The following NRG3 variants were observed in gnomAD, a reference collection of about 807,000 sequenced individuals.
The protein encoded by NRG3 is neuregulin 3, also known as pro-neuregulin-3, membrane-bound isoform.
In NRG3, 31 loss-of-function variants were observed where a neutral mutation model predicts 66.9. The ratio of observed to expected loss-of-function variants is 0.46; its 90% confidence interval spans 0.35 to 0.63. The LOEUF (loss-of-function observed/expected upper bound fraction) is 0.63. Ranked by LOEUF, NRG3 falls within the 20% of genes least tolerant of loss-of-function variation. The pLI, the probability that NRG3 is intolerant of heterozygous loss-of-function variation, is 0.00. For missense variants in NRG3, 910 were observed against 878.9 expected (o/e 1.04, Z -0.45); for synonymous variants, 393 against 359.4 (o/e 1.09, Z -1.06).
intron 4 of NRG3, among the ~76,000 whole-genome samples, chr10:82,903,278 C>T (rs888963685): frequency 2.0e-5 from 3 of 152,178 alleles, no homozygotes; most frequent in East Asian, 3.9e-4. Flanking sequence ...GCTTAAAATA[C>T]GTGTGATACT....
At chr10:82,956,698 C>G (rs1440289318) in intron 5 of NRG3, among the ~76,000 whole-genome samples, 1 of 151,906 alleles carries the variant, frequency 6.6e-6, no homozygotes, top group African/African-American at 2.4e-5. Context: ...TGCTCTGAGA[C>G]ATGCACTCTT....
At chr10:82,014,056 C>T (rs1589783716) in intron 1 of NRG3, among the ~76,000 whole-genome samples, 1 of 152,088 alleles carries the variant, frequency 6.6e-6, no homozygotes, top group South Asian at 2.1e-4. Flanking sequence ...GGAACTCACA[C>T]CTAGCTGGAA....
At chr10:82,389,655 AATG>A (rs1162167396) in intron 2 of NRG3, among the ~76,000 whole-genome samples, 3 of 152,216 alleles carry the variant, frequency 2.0e-5, no homozygotes, top group East Asian at 1.9e-4. Flanking sequence ...GAATTAATAA[AATG>A]AAGACACATT....
intron 4 of NRG3, among the ~76,000 whole-genome samples, chr10:82,945,645 C>G (rs988447423): frequency 4.0e-5 from 6 of 151,108 alleles, no homozygotes; most frequent in Non-Finnish European, 8.9e-5. Flanking sequence ...AACTAACCCC[C>G]TCCTGTGATA....
chr10:82,225,097 G>A (rs933210556), intron 1 of NRG3, among the ~76,000 whole-genome samples: 21 of 151,710 alleles, frequency 1.4e-4, no homozygotes, highest in Admixed American at 1.2e-3. Flanking sequence ...TGTTTACTAG[G>A]AAGAAAAAAA....
At chr10:82,793,520 C>A (rs1391965941) in intron 3 of NRG3, among the ~76,000 whole-genome samples, 2 of 152,100 alleles carry the variant, frequency 1.3e-5, no homozygotes, top group African/African-American at 4.8e-5. Flanking sequence ...TCTCTCTACC[C>A]CCTTATTTAT....
chr10:82,098,271 C>CAT (rs147930657), intron 1 of NRG3, among the ~76,000 whole-genome samples: 3 of 150,420 alleles, frequency 2.0e-5, no homozygotes, highest in African/African-American at 4.9e-5. Context: ...ATATAGATGT[C>CAT]ATATATATAT....
chr10:82,798,707 T>C (rs984594701), intron 3 of NRG3, among the ~76,000 whole-genome samples: 1 of 152,204 alleles, frequency 6.6e-6, no homozygotes, highest in Non-Finnish European at 1.5e-5. Flanking sequence ...ACTAGAAGCA[T>C]AGTAATGAAG....
chr10:82,799,941 G>C (rs997033221), intron 3 of NRG3: 1 of 151,912 alleles, frequency 6.6e-6, no homozygotes. Context: ...CTTGGTCCTG[G>C]CTCCATGGAG....
intron 6 of NRG3, among the ~76,000 whole-genome samples, chr10:82,972,991 G>A (rs530343697): frequency 1.3e-5 from 2 of 152,234 alleles, no homozygotes; most frequent in East Asian, 1.9e-4. Flanking sequence ...ATTTTGATTA[G>A]CATCCTTAAA....
At chr10:81,958,143 A>G (rs190851490) in intron 1 of NRG3, among the ~76,000 whole-genome samples, 3 of 152,306 alleles carry the variant, frequency 2.0e-5, no homozygotes, top group Admixed American at 6.5e-5. Flanking sequence ...TCTCTAAATG[A>G]TATGATAGAA....
chr10:82,109,633 G>T (rs949304040), intron 1 of NRG3, among the ~76,000 whole-genome samples: 1 of 150,790 alleles, frequency 6.6e-6, no homozygotes, highest in African/African-American at 2.4e-5. Context: ...AAAGCACCAG[G>T]TTACACTGAG....
At chr10:81,970,324 A>G (rs1346189219) in intron 1 of NRG3, among the ~76,000 whole-genome samples, 2 of 152,242 alleles carry the variant, frequency 1.3e-5, no homozygotes, top group African/African-American at 4.8e-5. Flanking sequence ...GTGACTAATT[A>G]TCCCTCTAGA....
intron 4 of NRG3, among the ~76,000 whole-genome samples, chr10:82,900,871 T>C (rs1844154096): frequency 6.6e-6 from 1 of 152,204 alleles, no homozygotes; most frequent in Non-Finnish European, 1.5e-5. Context: ...GGAAATTTTT[T>C]TCATGGATTT....
At chr10:81,880,756 A>T (rs1842107534) in intron 1 of NRG3, among the ~76,000 whole-genome samples, 1 of 152,214 alleles carries the variant, frequency 6.6e-6, no homozygotes, top group Non-Finnish European at 1.5e-5. Flanking sequence ...AATAGTCATA[A>T]ATCTAAGTCT....
At chr10:82,798,149 C>T (rs1221245189) in intron 3 of NRG3, among the ~76,000 whole-genome samples, 4 of 151,580 alleles carry the variant, frequency 2.6e-5, no homozygotes, top group Non-Finnish European at 5.9e-5. Flanking sequence ...GTACCTTGTA[C>T]CCTGATATTT....
chr10:82,959,949 A>T (rs1420401894), intron 6 of NRG3, among the ~76,000 whole-genome samples: 1 of 152,222 alleles, frequency 6.6e-6, no homozygotes, highest in Non-Finnish European at 1.5e-5. Context: ...CCCACACAGC[A>T]TCCGCACTTT....
chr10:82,879,289 A>G (rs1303841486), intron 4 of NRG3, among the ~76,000 whole-genome samples: 1 of 152,206 alleles, frequency 6.6e-6, no homozygotes, highest in Non-Finnish European at 1.5e-5. Context: ...TGTAAATAGT[A>G]TATGTTTTTC....
At chr10:82,637,427 A>G (rs2050275574) in intron 2 of NRG3, among the ~76,000 whole-genome samples, 1 of 152,186 alleles carries the variant, frequency 6.6e-6, no homozygotes, top group African/African-American at 2.4e-5. Flanking sequence ...AATACTTATT[A>G]ATTACAACAG....
Sources: gnomAD v4.1 joint callset for allele counts (sites outside exome capture counted in the v4.1 genomes callset) on GRCh38, gnomAD v4.1.1 for gene constraint, MANE v1.5 for transcripts, NCBI Gene and HGNC (gene_info 2026-07-23, HGNC 2026-07-21) for gene names.